The following AFF3 variants were observed in gnomAD, a reference collection of about 807,000 sequenced individuals.
AFF3 encodes the protein ALF transcription elongation factor 3.
In AFF3, 32 loss-of-function variants were observed where a neutral mutation model predicts 129.7. The ratio of observed to expected loss-of-function variants is 0.25; its 90% CI spans 0.19 to 0.33. The LOEUF (loss-of-function observed/expected upper bound fraction) is 0.33. AFF3 is among the 10% of genes least tolerant of loss of function. The pLI is 1.00. For missense variants in AFF3, 1,373 were observed against 1,592.0 expected (o/e 0.86, Z 2.34); for synonymous variants, 644 against 635.4 (o/e 1.01, Z -0.20).
chr2:100,037,266 T>A (rs943202493), intron 4 of AFF3, among the ~76,000 whole-genome samples: 1 of 151,192 alleles, frequency 6.6e-6, no homozygotes, highest in Non-Finnish European at 1.5e-5. Context: ...AATATGGTAT[T>A]TAATAATAGA....
chr2:99,878,413 G>C (rs1437583945), intron 7 of AFF3, among the ~76,000 whole-genome samples: 1 of 152,086 alleles, frequency 6.6e-6, no homozygotes, highest in Non-Finnish European at 1.5e-5. Context: ...TGTACTTATT[G>C]GGACACACTA....
chr2:99,661,700 T>C (rs747964710), intron 12 of AFF3, among the ~76,000 whole-genome samples: 4 of 152,230 alleles, frequency 2.6e-5, no homozygotes, highest in Non-Finnish European at 5.9e-5. Flanking sequence ...TTGGAAATTA[T>C]AGTCCATTAA....
chr2:99,593,880 G>A lies in AFF3; in HGVS notation c.1781C>T (p.Thr594Ile), dbSNP rs202089462. 9.5e-6 allele frequency: 13 copies of A among 1,372,560 alleles called. No individual in the cohort carries two copies. The highest frequency in any genetic ancestry group is 1.4e-5 in the African/African-American group (1 of 69,460). The allele number at this position is 1,372,560 out of a possible 1,614,324, so 85.0% of individuals were successfully genotyped here. The change falls in exon 15 of 25, where the codon ACC (threonine) becomes ATC (isoleucine). Residue 594 changes from threonine (T) to isoleucine (I), a missense_variant. Transcript: ENST00000672756. ...GKKPTRRTER[T>I]SAGDGANCHR... ...GCAGTTGGCGCCGTCCCCGGCTGAG[G>A]TCCTCTCGGTGCGCCTGGTGGGCTT...
At position 99,601,558 on chromosome 2, in the gene AFF3, G is replaced by A. The variant is rs1679840803; in HGVS notation, c.1248C>T (p.Ser416=). ...SVPSSKGSSS[S]SSSGSSSSSS... is the part of the protein sequence containing the mutation. ...AGGAGCTGCTGCTGCCGCTGCTGCT[G>A]CTGCTGCTGCTGCCCTTGCTGGAAG... Residue 416 remains serine (S), a synonymous_variant, in exon 14 of 25, where the codon AGC becomes AGT. Coordinates refer to ENST00000672756, the MANE Select transcript of AFF3 (RefSeq NM_001386135.1). 2 of 1,601,662 alleles carry A rather than the reference G, an allele frequency of 1.2e-6. No individual in the cohort carries two copies. The highest frequency in any genetic ancestry group is 3.4e-5 in the Admixed American group (2 of 58,022).
In AFF3 at chr2:99,560,452, G is replaced by A. The variant is rs1221119007; in HGVS notation, c.3120-16C>T. On this transcript the variant is annotated splice_polypyrimidine_tract_variant and intron_variant, in intron 20 of 24. Transcript: ENST00000672756. Reference sequence around the variant, plus strand: ...CATAGCATACCTTAGAAAAAGCGGGGAGGAGGAATAGAATAAAAAACATAA... The same window carrying A: ...CATAGCATACCTTAGAAAAAGCGGGAAGGAGGAATAGAATAAAAAACATAA... The A allele has an allele frequency of 6.2e-7, 1 of 1,609,380 alleles. No homozygotes were observed. Among genetic ancestry groups the A allele is most frequent in the Admixed American group, 1.7e-5 (1 of 59,256 alleles).
intron 7 of AFF3, among the ~76,000 whole-genome samples, chr2:99,907,068 G>A (rs1368587390): frequency 2.0e-5 from 3 of 152,098 alleles, no homozygotes; most frequent in Non-Finnish European, 2.9e-5. Context: ...ATGAGCCACA[G>A]TCTTTAAAAT....
chr2:99,827,350 G>A (rs1487219209), intron 8 of AFF3, among the ~76,000 whole-genome samples: 3 of 152,290 alleles, frequency 2.0e-5, no homozygotes, highest in Admixed American at 2.0e-4. Flanking sequence ...GGACCACAAA[G>A]TGGGTGAACC....
intron 7 of AFF3, among the ~76,000 whole-genome samples, chr2:99,885,193 A>T (rs1693016474): frequency 6.6e-6 from 1 of 152,124 alleles, no homozygotes; most frequent in African/African-American, 2.4e-5. Flanking sequence ...AGGCGTTCCT[A>T]TTGGGAACAT....
intron 4 of AFF3, among the ~76,000 whole-genome samples, chr2:100,103,711 G>C (rs1690946665): frequency 6.6e-6 from 1 of 152,166 alleles, no homozygotes; most frequent in African/African-American, 2.4e-5. Flanking sequence ...GGCATAAAGG[G>C]ATACCCGGGG....
At chr2:99,847,382 G>T (rs980814337) in intron 7 of AFF3, among the ~76,000 whole-genome samples, 1 of 151,944 alleles carries the variant, frequency 6.6e-6, no homozygotes, top group African/African-American at 2.4e-5. Context: ...CGCCATGTTG[G>T]CCAGGCTGGT....
chr2:99,869,700 A>G (rs1691721925), intron 7 of AFF3, among the ~76,000 whole-genome samples: 1 of 152,192 alleles, frequency 6.6e-6, no homozygotes, highest in African/African-American at 2.4e-5. Context: ...CCCCAGCATA[A>G]GCAGTGATGT....
chr2:100,133,605 T>C (rs183988722), intron 1 of AFF3, among the ~76,000 whole-genome samples: 4 of 152,280 alleles, frequency 2.6e-5, no homozygotes, highest in Admixed American at 2.6e-4. Flanking sequence ...TGTGCCTGGC[T>C]CTCATGTACT....
chr2:100,000,914 G>C (rs1681339368), intron 7 of AFF3, among the ~76,000 whole-genome samples: 1 of 152,192 alleles, frequency 6.6e-6, no homozygotes, highest in Non-Finnish European at 1.5e-5. Flanking sequence ...CCAAAGAAAG[G>C]ATGAAAGACA....
At chr2:99,710,542 T>G (rs1458329772) in intron 11 of AFF3, among the ~76,000 whole-genome samples, 1 of 152,172 alleles carries the variant, frequency 6.6e-6, no homozygotes, top group Non-Finnish European at 1.5e-5. Flanking sequence ...GCACTGTGCC[T>G]GGCCAGTATT....
At chr2:100,012,101 C>T (rs2104779696) in intron 4 of AFF3, among the ~76,000 whole-genome samples, 2 of 152,280 alleles carry the variant, frequency 1.3e-5, no homozygotes, top group South Asian at 2.1e-4. Context: ...AGTGAACACC[C>T]TCAGGACCAC....
intron 8 of AFF3, among the ~76,000 whole-genome samples, chr2:99,836,831 G>C (rs1209093084): frequency 1.3e-5 from 2 of 152,020 alleles, no homozygotes; most frequent in Admixed American, 6.6e-5. Context: ...AAAAATATGA[G>C]TGAAGAAAAA....
intron 17 of AFF3, 90 bp from the exon 18 acceptor site, chr2:99,578,541 G>C: frequency 6.5e-7 from 1 of 1,544,484 alleles, no homozygotes. Context: ...GAATATCTTT[G>C]GCTCTACAGA....
intron 11 of AFF3, among the ~76,000 whole-genome samples, chr2:99,706,402 G>A (rs1004723091): frequency 6.6e-6 from 1 of 152,100 alleles, no homozygotes; most frequent in Non-Finnish European, 1.5e-5. Context: ...GCTTCTATCC[G>A]GGCTGTCACT....
At chr2:99,567,014 C>G (rs1473132502) in intron 19 of AFF3, among the ~76,000 whole-genome samples, 4 of 150,498 alleles carry the variant, frequency 2.7e-5, no homozygotes, top group Non-Finnish European at 5.9e-5. Flanking sequence ...GTCACCCAGG[C>G]TGGAGTGCAG....
Sources: gnomAD v4.1 joint callset for allele counts (sites outside exome capture counted in the v4.1 genomes callset) on GRCh38, gnomAD v4.1.1 for gene constraint, MANE v1.5 for transcripts, NCBI Gene and HGNC (gene_info 2026-07-23, HGNC 2026-07-21) for gene names.